The following SLC35B3 variants were observed in gnomAD, a reference collection of about 807,000 sequenced individuals.
SLC35B3 encodes adenosine 3'-phospho 5'-phosphosulfate transporter 2.
In SLC35B3, 35 loss-of-function variants were observed where a neutral mutation model predicts 44.1. The observed-to-expected ratio is 0.79, with a 90% CI of 0.61 to 1.05. The LOEUF (loss-of-function observed/expected upper bound fraction) is 1.05, where lower values mean the gene tolerates loss of function less well. SLC35B3 is among the 50% of genes least tolerant of loss of function. SLC35B3 has a pLI of 0.00. For missense variants in SLC35B3, 414 were observed against 476.4 expected, an observed-to-expected ratio of 0.87 and a Z score of 1.22; for synonymous variants, 146 against 167.3, an observed-to-expected ratio of 0.87 and a Z score of 0.98.
intron 4 of SLC35B3, among the ~76,000 whole-genome samples, chr6:8,424,391 G>C (rs992639683): frequency 2.6e-5 from 4 of 152,122 alleles, no homozygotes; most frequent in African/African-American, 9.7e-5. Flanking sequence ...CTCCTGAGTA[G>C]CTAGGATTAC....
rs372940131 is a variant in SLC35B3 at position 8,428,024 on chromosome 6, C to T, written c.332G>A (p.Cys111Tyr). ...CTGCACTAAGGTAAGGTACCAGCCA[C>T]AGGACTTAAAACCCTCCACTGAAAA... The change falls in exon 4 of 11, where the codon TGT becomes TAT. Residue 111 changes from cysteine to tyrosine, a missense_variant. Cys to Tyr is a radical substitution (Grantham distance 194). Coordinates refer to ENST00000644923, the MANE Select transcript of SLC35B3 (RefSeq NM_001370476.2). 18 of 1,606,356 alleles carry T rather than the reference C, an allele frequency of 1.1e-5. No individual in the cohort carries two copies. The African/African-American group carries it at 1.9e-4, about 17-fold the overall frequency.
chr6:8,431,800 A>G (rs1452864343), intron 2 of SLC35B3, among the ~76,000 whole-genome samples: 1 of 152,184 alleles, frequency 6.6e-6, no homozygotes, highest in African/African-American at 2.4e-5. Flanking sequence ...ACTCTTTTCT[A>G]TGTGTGAGCA....
intron 9 of SLC35B3, among the ~76,000 whole-genome samples, chr6:8,415,888 T>C (rs1412368307): frequency 6.6e-6 from 1 of 152,180 alleles, no homozygotes; most frequent in Non-Finnish European, 1.5e-5. Flanking sequence ...AGGATTTTCA[T>C]CTTCTCTTAC....
chr6:8,423,943 C>T (rs1350115357), intron 4 of SLC35B3, among the ~76,000 whole-genome samples: 1 of 152,086 alleles, frequency 6.6e-6, no homozygotes, highest in Non-Finnish European at 1.5e-5. Flanking sequence ...TAAAATGATA[C>T]AAGTCAAGGT....
Position 8,435,003 on chromosome 6 carries a change from A to C in SLC35B3, c.-44+340T>G. ...AAACAGTTAACTGTAAATACAGTCTAGAGGTATCCAGGTGACTGACAGTTC... is the reference window on the plus strand; with the variant it reads ...AAACAGTTAACTGTAAATACAGTCTCGAGGTATCCAGGTGACTGACAGTTC... On this transcript the variant is annotated intron_variant, in intron 1 of 10. Transcript: ENST00000644923. The surrounding 1 kb of genome is among the most constrained non-coding windows in gnomAD (Gnocchi z 5.5). 3.3e-6 allele frequency: 3 copies of C among 903,066 alleles called. No individual in the cohort carries two copies. Among genetic ancestry groups the C allele is most frequent in the Non-Finnish European group, 4.4e-6 (3 of 680,662 alleles). 55.9% of individuals were successfully genotyped at this position (903,066 alleles called of 1,614,324 possible).
intron 8 of SLC35B3, 46 bp from the exon 8 acceptor site, chr6:8,417,041 C>A (rs182676269): frequency 1.9e-4 from 194 of 1,000,480 alleles, no homozygotes; most frequent in Non-Finnish European, 2.7e-4. Context: ...AAACAAACTC[C>A]GAGGTATTAC....
rs986833108 is a variant in SLC35B3 at position 8,435,001 on chromosome 6, C to G, written c.-44+342G>C. 19 of 902,276 alleles carry G rather than the reference C, an allele frequency of 2.1e-5. No homozygotes were observed. The African/African-American group carries it at 3.3e-4, about 16-fold the overall frequency. The allele number at this position is 902,276 out of a possible 1,614,324, so 55.9% of individuals were successfully genotyped here. On this transcript the variant is annotated intron_variant, in intron 1 of 10. Coordinates refer to ENST00000644923, the MANE Select transcript of SLC35B3 (RefSeq NM_001370476.2). The surrounding 1 kb of genome is among the most constrained non-coding windows in gnomAD (Gnocchi z 5.5). ...GGAAACAGTTAACTGTAAATACAGTCTAGAGGTATCCAGGTGACTGACAGT... is the reference window on the plus strand; with the variant it reads ...GGAAACAGTTAACTGTAAATACAGTGTAGAGGTATCCAGGTGACTGACAGT...
chr6:8,432,318 T>C lies in SLC35B3; in HGVS notation c.3+2067A>G, dbSNP rs1230708981. On this transcript the variant is annotated intron_variant, in intron 2 of 10. Transcript: ENST00000644923. The surrounding 1 kb of genome is among the most constrained non-coding windows in gnomAD (Gnocchi z 4.8). ...GGAAAATTTACAAATAATGCTTACA[T>C]ATTTACACATACATACAGAATAAAT... Among the ~76,000 whole-genome samples the C allele has an allele frequency of 6.6e-6, 1 of 151,796 alleles. No homozygotes were observed. Among genetic ancestry groups the C allele is most frequent in the Non-Finnish European group, 1.5e-5 (1 of 68,012 alleles).
Position 8,412,205 on chromosome 6 carries a change from T to C in SLC35B3, c.*1344A>G, listed in dbSNP as rs182133079. 6.6e-6 allele frequency among the ~76,000 whole-genome samples: 1 copy of C among 152,314 alleles called. No individual in the cohort carries two copies. Among genetic ancestry groups the C allele is most frequent in the East Asian group, 1.9e-4 (1 of 5,176 alleles). On this transcript the variant is annotated 3_prime_UTR_variant, in exon 11 of 11. Transcript: ENST00000644923. ...CACCAAATCTGCCAGCACCTCCATCTTGGACTTCCAGACATCAGAACTGTG... is the reference window on the plus strand; with the variant it reads ...CACCAAATCTGCCAGCACCTCCATCCTGGACTTCCAGACATCAGAACTGTG...
rs201718353 is a variant in SLC35B3, at chr6:8,433,865, C to T, written c.3+520G>A. Among the ~76,000 whole-genome samples, 10 of 150,820 alleles carry T rather than the reference C, an allele frequency of 6.6e-5. No individual in the cohort carries two copies. In the East Asian group the frequency reaches 2.0e-3, roughly 30 times the overall value. ...TGGGGAATGTCTGCCATATCCCTTC[C>T]ACTTCAAACATTAATGACTGATACT... is the stretch of plus-strand genomic sequence containing the variant. On this transcript the variant is annotated intron_variant, in intron 2 of 10. Transcript: ENST00000644923. The surrounding 1 kb of genome is among the most constrained non-coding windows in gnomAD (Gnocchi z 4.1).
At chr6:8,424,249 T>C (rs1263953063) in intron 4 of SLC35B3, among the ~76,000 whole-genome samples, 1 of 152,068 alleles carries the variant, frequency 6.6e-6, no homozygotes, top group Admixed American at 6.5e-5. Context: ...TCCTTAGAAA[T>C]GGGGAGAAAA....
Position 8,420,571 on chromosome 6 carries a change from C to T in SLC35B3, c.682+150G>A, listed in dbSNP as rs1762802661. ...TATCTACAGAGCTGTGATATTTTCACTACATCTTATATGGAAAGTCCAAAA... is the reference window on the plus strand; with the variant it reads ...TATCTACAGAGCTGTGATATTTTCATTACATCTTATATGGAAAGTCCAAAA... On this transcript the variant is annotated intron_variant, in intron 6 of 10. Coordinates refer to ENST00000644923, the MANE Select transcript of SLC35B3 (RefSeq NM_001370476.2). The surrounding 1 kb of genome is among the most constrained non-coding windows in gnomAD (Gnocchi z 4.4). 1.8e-6 allele frequency: 1 copy of T among 551,266 alleles called. No individual in the cohort carries two copies. The highest frequency in any genetic ancestry group is 3.3e-6 in the Non-Finnish European group (1 of 305,826). The allele number at this position is 551,266 out of a possible 1,614,324, so 34.1% of individuals were successfully genotyped here.
At chr6:8,431,654 G>C (rs1288294678) in intron 2 of SLC35B3, among the ~76,000 whole-genome samples, 1 of 152,130 alleles carries the variant, frequency 6.6e-6, no homozygotes, top group Non-Finnish European at 1.5e-5. Context: ...ACTGTCATTT[G>C]TAAGACTTTT....
intron 4 of SLC35B3, 144 bp downstream of exon 3, chr6:8,427,793 T>C (rs1763560901): frequency 1.7e-6 from 1 of 592,152 alleles, no homozygotes; most frequent in East Asian, 3.0e-5. Flanking sequence ...ATGAATAAAA[T>C]GTATTTAGTA....
intron 3 of SLC35B3, 155 bp downstream of exon 2, chr6:8,429,709 G>GTT (rs11281575): frequency 3.8e-6 from 2 of 526,770 alleles, no homozygotes; most frequent in South Asian, 3.3e-5. Context: ...ATTTTGATCT[G>GTT]TTAAGAAGCT....
chr6:8,414,376 T>C (rs975048883), intron 10 of SLC35B3, among the ~76,000 whole-genome samples: 1 of 152,138 alleles, frequency 6.6e-6, no homozygotes, highest in Non-Finnish European at 1.5e-5. Context: ...ACAGTAAATA[T>C]GATAGTAAAC....
In SLC35B3 at chr6:8,413,441, T is replaced by C. The variant is rs746990857; in HGVS notation, c.*108A>G. 4.4e-6 allele frequency: 4 copies of C among 918,930 alleles called. No homozygotes were observed. The highest frequency in any genetic ancestry group is 6.4e-6 in the Non-Finnish European group (4 of 629,186). The allele number at this position is 918,930 out of a possible 1,614,324, so 56.9% of individuals were successfully genotyped here. A position where few individuals can be genotyped will look rare whatever the true frequency, so the allele number is the denominator to read the frequency against. On this transcript the variant is annotated 3_prime_UTR_variant, in exon 11 of 11. Transcript: ENST00000644923. ...ACTTCATATGAAATCTGTCCACAAA[T>C]GGGATAGCAATGCCTCCAGATCCTT... is the stretch of plus-strand genomic sequence containing the variant.
intron 10 of SLC35B3, among the ~76,000 whole-genome samples, chr6:8,414,109 A>G (rs981054575): frequency 6.6e-6 from 1 of 152,170 alleles, no homozygotes; most frequent in Non-Finnish European, 1.5e-5. Context: ...ATAAAGGAAT[A>G]AAAAGAGAAA....
rs1764228735 is a variant in SLC35B3 at position 8,433,915 on chromosome 6, G to A, written c.3+470C>T. On this transcript the variant is annotated intron_variant, in intron 2 of 10. Coordinates refer to ENST00000644923, the MANE Select transcript of SLC35B3 (RefSeq NM_001370476.2). This position sits in a 1 kb window ranked among gnomAD's most constrained non-coding sequence, Gnocchi z 4.1. ...TAACCATCATCTAAAAAAAAAAATG[G>A]GCCAAACTCCTTGTGATGCAAGGAG... Among the ~76,000 whole-genome samples, 1 of 150,766 alleles carries A rather than the reference G, an allele frequency of 6.6e-6. No homozygotes were observed.
Sources: allele counts gnomAD v4.1 joint callset (sites outside exome capture counted in the v4.1 genomes callset), GRCh38; gene constraint gnomAD v4.1.1; non-coding constraint Gnocchi (gnomAD v3.1); transcripts MANE v1.5; gene names NCBI Gene and HGNC (gene_info 2026-07-23, HGNC 2026-07-21).